Variants in CEP126 observed in about 807,000 individuals in gnomAD.
CEP126 encodes the protein centrosomal protein of 126 kDa.
CEP126 carries 74 observed loss-of-function variants against 107.8 expected under a neutral mutation model. The ratio of observed to expected loss-of-function variants is 0.69; its 90% CI spans 0.57 to 0.83. CEP126 has a LOEUF of 0.83. Ranked by LOEUF, CEP126 falls within the 40% of genes least tolerant of loss-of-function variation. The pLI, the probability that CEP126 is intolerant of heterozygous loss-of-function variation, is 0.00. For missense variants in CEP126, 1,237 were observed against 1,281.9 expected, an observed-to-expected ratio of 0.96 and a Z score of 0.53; for synonymous variants, 449 against 446.0, an observed-to-expected ratio of 1.01 and a Z score of -0.08.
intron 4 of CEP126, among the ~76,000 whole-genome samples, chr11:101,953,257 C>T (rs1940836741): frequency 1.3e-5 from 2 of 152,240 alleles, no homozygotes; most frequent in South Asian, 4.1e-4. Flanking sequence ...TCCTCTTAGT[C>T]CAGATGTGGT....
At chr11:101,961,452 AG>A (rs1436946702) in intron 5 of CEP126, among the ~76,000 whole-genome samples, 49 of 152,206 alleles carry the variant, frequency 3.2e-4, no homozygotes, top group Non-Finnish European at 1.5e-4. Context: ...TAAATGGAAT[AG>A]CAATAACAAA....
intron 2 of CEP126, among the ~76,000 whole-genome samples, chr11:101,934,992 G>A (rs1287551919): frequency 2.6e-5 from 4 of 151,962 alleles, no homozygotes. Context: ...TTCCAAAAGG[G>A]CTGACCTTTT....
chr11:101,977,206 T>C (rs967658440), intron 6 of CEP126, among the ~76,000 whole-genome samples: 2 of 152,308 alleles, frequency 1.3e-5, no homozygotes, highest in African/African-American at 4.8e-5. Context: ...TATGTCATTG[T>C]CATTATGTGG....
intron 9 of CEP126, among the ~76,000 whole-genome samples, chr11:101,992,402 A>G (rs1344899475): frequency 6.6e-6 from 1 of 152,082 alleles, no homozygotes; most frequent in Non-Finnish European, 1.5e-5. Context: ...AAGTGACTCA[A>G]TTTTTTATGC....
At position 101,941,696 on chromosome 11, in the gene CEP126, A is replaced by T. The variant is rs545141383; in HGVS notation, c.249-2569A>T. Among the ~76,000 whole-genome samples, 8 of 152,170 alleles carry T rather than the reference A, an allele frequency of 5.3e-5. No homozygotes were observed. In the East Asian group the frequency reaches 1.2e-3, roughly 22 times the overall value. On this transcript the variant is annotated intron_variant, in intron 2 of 10. Coordinates refer to ENST00000263468, the MANE Select transcript of CEP126 (RefSeq NM_020802.4). ...TTATCATATGGTAATTCTATGTTTAATTTTTTGAAGAATCAGCATACCAAT... is the reference window on the plus strand; with the variant it reads ...TTATCATATGGTAATTCTATGTTTATTTTTTTGAAGAATCAGCATACCAAT...
intron 4 of CEP126, chr11:101,956,523 C>T (rs1940894459): frequency 2.2e-6 from 1 of 456,434 alleles, no homozygotes; most frequent in Admixed American, 2.4e-5. Context: ...CATTCTCCAT[C>T]TTCTTCTTTG....
intron 4 of CEP126, among the ~76,000 whole-genome samples, chr11:101,951,519 AAAGGAG>A (rs767774566): frequency 6.6e-6 from 1 of 152,076 alleles, no homozygotes; most frequent in African/African-American, 2.4e-5. Flanking sequence ...CTCAAAAGAA[AAAGGAG>A]AAGGAGAAGG....
intron 4 of CEP126, among the ~76,000 whole-genome samples, chr11:101,950,085 G>A (rs1233587423): frequency 6.6e-6 from 1 of 152,160 alleles, no homozygotes. Flanking sequence ...GAGAAATGTG[G>A]TAATGAATCT....
chr11:101,963,129 TACG>T lies in CEP126; in HGVS notation c.2097_2099del (p.Thr700del), dbSNP rs751084378. The T allele has an allele frequency of 4.3e-6, 7 of 1,614,116 alleles. No homozygotes were observed. The South Asian group carries it at 6.6e-5, about 15-fold the overall frequency. On this transcript the variant is annotated inframe_deletion, in exon 6 of 11. Coordinates refer to ENST00000263468, the MANE Select transcript of CEP126 (RefSeq NM_020802.4). ...GGGAGGATTCTATCTCTGAAAATGT[TACG>T]ACTTTAGGAGGATCTGGAGCAGACC...
chr11:101,940,670 T>A (rs1940650764), intron 2 of CEP126, among the ~76,000 whole-genome samples: 2 of 152,228 alleles, frequency 1.3e-5, no homozygotes, highest in African/African-American at 4.8e-5. Context: ...TGTCTTGTGC[T>A]AGGCTGAGAA....
In CEP126 at chr11:102,000,645, T is replaced by C. The variant is rs1941497075; in HGVS notation, c.*3002T>C. ...AGGCAGAGGTTGCAGTGATCAGGAA[T>C]TGTGCCACTGCACTCCAACCTGAGT... On this transcript the variant is annotated 3_prime_UTR_variant, in exon 11 of 11. Transcript: ENST00000263468. The C allele has an allele frequency of 1.3e-5, 2 of 151,990 alleles. No homozygotes were observed. The highest frequency in any genetic ancestry group is 2.9e-5 in the Non-Finnish European group (2 of 68,016). 9.4% of individuals were successfully genotyped at this position (151,990 alleles called of 1,614,324 possible). A position where few individuals can be genotyped will look rare whatever the true frequency, so the allele number is the denominator to read the frequency against.
chr11:101,955,690 A>T (rs987364252), intron 4 of CEP126: 1 of 359,030 alleles, frequency 2.8e-6, no homozygotes, highest in African/African-American at 2.1e-5. Flanking sequence ...CAAGAAAATA[A>T]CATGAATCAA....
Position 101,958,333 on chromosome 11 carries a change from A to G in CEP126, c.672A>G (p.Lys224=), listed in dbSNP as rs1565359813. ...AGCTTAAACTGGAGGAAACTCAGAA[A>G]CTCCTCGAAGATCAACATCTAAGCA... is the stretch of plus-strand genomic sequence containing the variant. The part of the protein sequence containing the change: ...VFQLKLEETQ[K]LLEDQHLSNL... Residue 224 remains lysine, a synonymous_variant, in exon 5 of 11, where the codon AAA becomes AAG. Coordinates refer to ENST00000263468, the MANE Select transcript of CEP126 (RefSeq NM_020802.4). The G allele has an allele frequency of 1.2e-6, 2 of 1,613,930 alleles. No homozygotes were observed. The highest frequency in any genetic ancestry group is 1.7e-5 in the Admixed American group (1 of 60,030).
At chr11:101,936,681 C>T (rs1020244959) in intron 2 of CEP126, among the ~76,000 whole-genome samples, 1 of 152,138 alleles carries the variant, frequency 6.6e-6, no homozygotes, top group Non-Finnish European at 1.5e-5. Flanking sequence ...ATTAACTATG[C>T]TGCTAGCTAG....
chr11:101,987,656 A>G (rs2137132067), intron 9 of CEP126, among the ~76,000 whole-genome samples: 1 of 104,164 alleles, frequency 9.6e-6, no homozygotes, highest in East Asian at 4.9e-4. Flanking sequence ...GGGAGAGGGA[A>G]TTTTTTTCTA....
chr11:101,948,004 A>G, intron 3 of CEP126, 27 bp from the exon 4 acceptor site: 2 of 1,314,016 alleles, frequency 1.5e-6, no homozygotes, highest in Non-Finnish European at 2.2e-6. Flanking sequence ...GTGATTCTGT[A>G]CTGTTCGGTC....
intron 1 of CEP126, among the ~76,000 whole-genome samples, chr11:101,919,596 G>C (rs574470825): frequency 2.0e-5 from 3 of 151,846 alleles, no homozygotes; most frequent in Non-Finnish European, 2.9e-5. Context: ...TACCATATTT[G>C]AAATGATACA....
Position 101,915,275 on chromosome 11 carries a change from GA to G in CEP126, c.-8del. The G allele has an allele frequency of 1.2e-6, 2 of 1,613,420 alleles. No individual in the cohort carries two copies. The highest frequency in any genetic ancestry group is 1.7e-6 in the Non-Finnish European group (2 of 1,179,852). On this transcript the variant is annotated 5_prime_UTR_variant, in exon 1 of 11. An upstream open reading frame in the 5' UTR loses its in-frame stop. Transcript: ENST00000263468. ...TGGGGGCGAGCAGACAGGCGGCGCT[GA>G]AGTGAAGGATGCTGGCGGGGAGGCC...
chr11:101,952,643 A>G (rs928658387), intron 4 of CEP126, among the ~76,000 whole-genome samples: 1 of 152,168 alleles, frequency 6.6e-6, no homozygotes, highest in Non-Finnish European at 1.5e-5. Context: ...TTAGTAAAAA[A>G]CAAAAATGAT....
Sources: allele counts gnomAD v4.1 joint callset (sites outside exome capture counted in the v4.1 genomes callset), GRCh38; gene constraint gnomAD v4.1.1; transcripts MANE v1.5; gene names NCBI Gene and HGNC (gene_info 2026-07-23, HGNC 2026-07-21).